Variants in TLK1 observed in about 807,000 individuals in gnomAD.
TLK1 encodes the protein serine/threonine-protein kinase tousled-like 1.
TLK1 carries 24 observed loss-of-function variants against 105.3 expected under a neutral mutation model. The observed-to-expected ratio is 0.23, with a 90% CI of 0.17 to 0.32. The LOEUF is 0.32. Ranked by LOEUF, TLK1 falls within the 10% of genes least tolerant of loss-of-function variation. The probability of loss-of-function intolerance (pLI) is 1.00; values close to 1 mark genes in which losing one functional copy is unlikely to be tolerated. For missense variants in TLK1, 558 were observed against 910.5 expected, an observed-to-expected ratio of 0.61 and a Z score of 4.98; for synonymous variants, 321 against 310.4, an observed-to-expected ratio of 1.03 and a Z score of -0.36.
At chr2:171,050,042 A>C (rs1428794655) in intron 9 of TLK1, 22 bp downstream of exon 9, 1 of 1,606,190 alleles carries the variant, frequency 6.2e-7, no homozygotes. Flanking sequence ...GAAAGCGAAA[A>C]TTTACTCAAC....
rs566576789 is a variant in TLK1, at chr2:171,076,907, T to C, written c.330+5874A>G. On this transcript the variant is annotated intron_variant, in intron 3 of 20. Coordinates refer to ENST00000431350, the MANE Select transcript of TLK1 (RefSeq NM_012290.5). ...CCAGCCTAGGCAACGAGTGAGACTC[T>C]GTCTCAAAAAAAAGAAAGAAAGAAA... 2.3e-4 allele frequency among the ~76,000 whole-genome samples: 35 copies of C among 150,952 alleles called. No homozygotes were observed. The South Asian group carries it at 6.9e-3, about 30-fold the overall frequency.
At chr2:171,163,236 T>A (rs1692549117), upstream of TLK1, among the ~76,000 whole-genome samples, 1 of 152,264 alleles carries the variant, frequency 6.6e-6, no homozygotes, top group African/African-American at 2.4e-5. Flanking sequence ...TTGATGGACA[T>A]TTGCATTGTT....
chr2:171,048,630 CCCA>C (rs375166074), intron 10 of TLK1, among the ~76,000 whole-genome samples: 7 of 151,160 alleles, frequency 4.6e-5, no homozygotes, highest in African/African-American at 9.7e-5. Context: ...AGAATTGAAA[CCCA>C]AACTCTCTAA....
intron 3 of TLK1, among the ~76,000 whole-genome samples, chr2:171,064,507 T>C (rs777387053): frequency 6.6e-6 from 1 of 152,252 alleles, no homozygotes; most frequent in Non-Finnish European, 1.5e-5. Context: ...AAACATTTTA[T>C]ATAGAACATT....
chr2:171,036,951 AT>A (rs947607436), intron 11 of TLK1, among the ~76,000 whole-genome samples: 53 of 152,308 alleles, frequency 3.5e-4, no homozygotes, highest in Admixed American at 1.8e-3. Context: ...AAAAGGCTAG[AT>A]TTAAATGGGA....
chr2:171,077,686 A>G (rs562415626), intron 3 of TLK1, among the ~76,000 whole-genome samples: 1 of 152,346 alleles, frequency 6.6e-6, no homozygotes, highest in South Asian at 2.1e-4. Context: ...CTTTTAAAAA[A>G]TTGTTAAGGA....
chr2:171,087,260 T>C (rs191483419), intron 2 of TLK1, among the ~76,000 whole-genome samples: 33 of 152,256 alleles, frequency 2.2e-4, no homozygotes, highest in Admixed American at 1.8e-3. Context: ...GCAGCTAATA[T>C]AAGTAGCTCA....
At chr2:171,060,579 GACA>G (rs894808514) in intron 4 of TLK1, among the ~76,000 whole-genome samples, 2 of 152,220 alleles carry the variant, frequency 1.3e-5, no homozygotes, top group African/African-American at 4.8e-5. Context: ...CAAATTAAAT[GACA>G]ACACTATTTT....
At chr2:171,029,256 C>G (rs966569647) in intron 11 of TLK1, among the ~76,000 whole-genome samples, 1 of 152,062 alleles carries the variant, frequency 6.6e-6, no homozygotes, top group Non-Finnish European at 1.5e-5. Context: ...AGGAAAAAAA[C>G]AAAGACATTT....
Position 171,160,796 on chromosome 2 carries a change from C to CCTGCCGGCACCT in TLK1, c.-380_-369dup. The CCTGCCGGCACCT allele has an allele frequency of 2.6e-6, 1 of 390,006 alleles. No individual in the cohort carries two copies. Among genetic ancestry groups the CCTGCCGGCACCT allele is most frequent in the Non-Finnish European group, 4.5e-6 (1 of 222,330 alleles). 24.2% of individuals were successfully genotyped at this position (390,006 alleles called of 1,614,324 possible). ...GCCGAGGACACTTCCGCGGGCGGAA[C>CCTGCCGGCACCT]CTGCCGGCACCTCTGCAGTGCGTCG... On this transcript the variant is annotated 5_prime_UTR_variant, in exon 1 of 21. Transcript: ENST00000431350. The surrounding 1 kb of genome is among the most constrained non-coding windows in gnomAD (Gnocchi z 4.4).
chr2:171,001,275 G>A (rs1452714236), intron 18 of TLK1, among the ~76,000 whole-genome samples: 1 of 152,062 alleles, frequency 6.6e-6, no homozygotes, highest in Non-Finnish European at 1.5e-5. Flanking sequence ...CATGTGTAAC[G>A]AGCCTTAAAG....
Position 171,060,061 on chromosome 2 carries a change from C to G in TLK1, c.406+1020G>C. The G allele has an allele frequency of 2.5e-6, 4 of 1,594,298 alleles. No homozygotes were observed. In the South Asian group the frequency reaches 4.5e-5, roughly 18 times the overall value. Reference sequence around the variant, plus strand: ...CTCCAAAGGAAGGGGGGAAAAAACACTGAAAGCCAGACTAAAGCAAATATA... The same window carrying G: ...CTCCAAAGGAAGGGGGGAAAAAACAGTGAAAGCCAGACTAAAGCAAATATA... On this transcript the variant is annotated intron_variant, in intron 4 of 20. Transcript: ENST00000431350.
chr2:171,054,921 T>A, intron 7 of TLK1, 162 bp downstream of exon 7: 1 of 403,876 alleles, frequency 2.5e-6, no homozygotes, highest in East Asian at 3.9e-5. Flanking sequence ...AGTTTCTCAC[T>A]CCTTCCTACA....
intron 3 of TLK1, among the ~76,000 whole-genome samples, chr2:171,079,636 C>T (rs1688660515): frequency 6.6e-6 from 1 of 151,902 alleles, no homozygotes; most frequent in African/African-American, 2.4e-5. Flanking sequence ...CTTTTATTTA[C>T]GAGAGGAAAA....
At chr2:171,206,739 A>G (rs1335239147) in intron 1 of TLK1, among the ~76,000 whole-genome samples, 1 of 152,242 alleles carries the variant, frequency 6.6e-6, no homozygotes. Flanking sequence ...AAACCTAACT[A>G]TAAAAAGGGA....
At chr2:171,004,296 T>C (rs775871175) in intron 18 of TLK1, among the ~76,000 whole-genome samples, 15 of 152,178 alleles carry the variant, frequency 9.9e-5, no homozygotes, top group Non-Finnish European at 1.6e-4. Context: ...ACATGGTTCG[T>C]CAGTGAGATT....
At chr2:171,076,357 G>T (rs763190231) in intron 3 of TLK1, among the ~76,000 whole-genome samples, 1 of 152,030 alleles carries the variant, frequency 6.6e-6, no homozygotes, top group Non-Finnish European at 1.5e-5. Context: ...TGTCTCACAC[G>T]CTCACTTCTG....
At chr2:171,144,199 A>G (rs1285045533) in intron 1 of TLK1, among the ~76,000 whole-genome samples, 1 of 152,234 alleles carries the variant, frequency 6.6e-6, no homozygotes, top group African/African-American at 2.4e-5. Flanking sequence ...GACAGAATTA[A>G]AGGGAGAAAT....
intron 3 of TLK1, among the ~76,000 whole-genome samples, chr2:171,078,531 C>T (rs937824043): frequency 2.6e-5 from 4 of 151,376 alleles, no homozygotes; most frequent in Non-Finnish European, 4.4e-5. Context: ...GGCGAGACTC[C>T]GTCTCAAAAA....
Sources: gnomAD v4.1 joint callset for allele counts (sites outside exome capture counted in the v4.1 genomes callset) on GRCh38, gnomAD v4.1.1 for gene constraint, Gnocchi (gnomAD v3.1) non-coding constraint, MANE v1.5 for transcripts, NCBI Gene and HGNC (gene_info 2026-07-23, HGNC 2026-07-21) for gene names.